Variants in PRR5L observed in about 807,000 individuals in gnomAD.
PRR5L encodes proline rich 5 like.
Under a neutral mutation model 36.4 loss-of-function variants are expected in PRR5L, and 21 were observed. That is an observed-to-expected ratio of 0.58 (90% CI 0.41 to 0.83). The LOEUF (loss-of-function observed/expected upper bound fraction) is 0.83. Ranked by LOEUF, PRR5L falls within the 40% of genes least tolerant of loss-of-function variation. PRR5L has a pLI of 0.00. For missense variants in PRR5L, 381 were observed against 473.3 expected, an observed-to-expected ratio of 0.80 and a Z score of 1.81; for synonymous variants, 188 against 197.0, an observed-to-expected ratio of 0.95 and a Z score of 0.38.
chr11:36,317,538 C>A (rs1296407318), intron 1 of PRR5L, among the ~76,000 whole-genome samples: 2 of 152,188 alleles, frequency 1.3e-5, no homozygotes, highest in Non-Finnish European at 2.9e-5. Flanking sequence ...AATTGCAACT[C>A]CCCATAAGTT....
At chr11:36,360,457 C>T (rs1857075457) in intron 1 of PRR5L, among the ~76,000 whole-genome samples, 1 of 152,132 alleles carries the variant, frequency 6.6e-6, no homozygotes, top group Non-Finnish European at 1.5e-5. Flanking sequence ...CTGATCAAAG[C>T]CTGTCACCCA....
chr11:36,320,512 C>T lies in PRR5L; in HGVS notation c.-126+24074C>T, dbSNP rs908922955. ...TCTTGCCTGTTAATCTCTGAGACGA[C>T]GCTCTGTGCCCTGTGGCTTATCTTT... On this transcript the variant is annotated intron_variant, in intron 1 of 8. Transcript: ENST00000530639. Among the ~76,000 whole-genome samples the T allele has an allele frequency of 3.9e-5, 6 of 152,130 alleles. No individual in the cohort carries two copies. In the South Asian group the frequency reaches 8.3e-4, roughly 21 times the overall value.
chr11:36,350,786 G>C lies in PRR5L; in HGVS notation c.-125-50211G>C, dbSNP rs866008429. The stretch of plus-strand genomic sequence containing the variant: ...CTCCCACTTATGAGTGAGAACATAC[G>C]ATGTTTGGTTTTCCATTCTTGAGTT... On this transcript the variant is annotated intron_variant, in intron 1 of 8. Coordinates refer to ENST00000530639, the MANE Select transcript of PRR5L (RefSeq NM_001160167.2). Among the ~76,000 whole-genome samples, 9 of 150,248 alleles carry C rather than the reference G, an allele frequency of 6.0e-5. No homozygotes were observed. In the South Asian group the frequency reaches 1.5e-3, roughly 24 times the overall value.
chr11:36,403,353 C>CT lies in PRR5L; in HGVS notation c.221dup (p.Tyr75LeufsTer14). On this transcript the variant is annotated frameshift_variant, in exon 3 of 9. Transcript: ENST00000530639. LOFTEE classifies it high-confidence loss of function. ...AGGGGGTGGCTTGCAAAGCAACGAG[C>CT]TCTATGCCCTGAACGAAAACATCAG... The CT allele has an allele frequency of 2.5e-6, 4 of 1,614,058 alleles. No homozygotes were observed. Among genetic ancestry groups the CT allele is most frequent in the Non-Finnish European group, 3.4e-6 (4 of 1,179,990 alleles).
chr11:36,303,522 C>A (rs187110957), intron 1 of PRR5L, among the ~76,000 whole-genome samples: 1 of 152,210 alleles, frequency 6.6e-6, no homozygotes, highest in African/African-American at 2.4e-5. Context: ...ACTTTTGGTG[C>A]AACTTGCCAT....
chr11:36,442,377 T>C (rs1438344229), intron 6 of PRR5L, among the ~76,000 whole-genome samples: 4 of 151,478 alleles, frequency 2.6e-5, no homozygotes, highest in Non-Finnish European at 4.4e-5. Flanking sequence ...AGTCTCACTC[T>C]GTCACCCAGG....
chr11:36,427,354 C>T (rs1008793097), intron 4 of PRR5L, among the ~76,000 whole-genome samples: 2 of 152,006 alleles, frequency 1.3e-5, no homozygotes, highest in African/African-American at 4.8e-5. Flanking sequence ...TGGGTGGTTA[C>T]TATTTAGTAA....
At chr11:36,375,705 C>T (rs1857247589) in intron 1 of PRR5L, among the ~76,000 whole-genome samples, 1 of 152,138 alleles carries the variant, frequency 6.6e-6, no homozygotes, top group African/African-American at 2.4e-5. Flanking sequence ...CAAAACAAAA[C>T]CCAACAGTTT....
At chr11:36,374,343 T>G (rs1857231736) in intron 1 of PRR5L, among the ~76,000 whole-genome samples, 3 of 152,000 alleles carry the variant, frequency 2.0e-5, no homozygotes, top group Admixed American at 1.3e-4. Context: ...TCTATCCGCC[T>G]CAGCCTCCCA....
At chr11:36,407,858 A>T (rs986014503) in intron 3 of PRR5L, among the ~76,000 whole-genome samples, 6 of 152,146 alleles carry the variant, frequency 3.9e-5, no homozygotes, top group Admixed American at 3.9e-4. Flanking sequence ...TTGAAAATAG[A>T]CTCTAGTTTA....
At chr11:36,392,403 A>G (rs1000881364) in intron 1 of PRR5L, among the ~76,000 whole-genome samples, 14 of 152,194 alleles carry the variant, frequency 9.2e-5, no homozygotes, top group South Asian at 2.1e-4. Flanking sequence ...ACTGTTCTCT[A>G]TAGTGGTTGC....
At chr11:36,300,513 C>T (rs950913440) in intron 1 of PRR5L, among the ~76,000 whole-genome samples, 3 of 152,154 alleles carry the variant, frequency 2.0e-5, no homozygotes, top group African/African-American at 7.2e-5. Context: ...TTAGAGGAGA[C>T]AAACATTCAA....
intron 4 of PRR5L, among the ~76,000 whole-genome samples, chr11:36,424,916 G>A (rs534690732): frequency 2.0e-5 from 3 of 152,252 alleles, no homozygotes; most frequent in African/African-American, 4.8e-5. Context: ...CCGCCTCCCG[G>A]ATTCAAGTGA....
chr11:36,459,791 T>C (rs1056518890), intron 8 of PRR5L, among the ~76,000 whole-genome samples: 2 of 152,230 alleles, frequency 1.3e-5, no homozygotes, highest in Non-Finnish European at 2.9e-5. Flanking sequence ...CCTCTCATTT[T>C]ATCCACCCAG....
chr11:36,431,963 T>C (rs1327689274), intron 5 of PRR5L, 53 bp downstream of exon 5: 67 of 1,487,578 alleles, frequency 4.5e-5, no homozygotes, highest in Non-Finnish European at 6.1e-5. Context: ...CAGTCTTTGA[T>C]GTCTGGACGG....
rs77216426 is a variant in PRR5L at position 36,306,652 on chromosome 11, T to C, written c.-126+10214T>C. Among the ~76,000 whole-genome samples, 421 of 152,282 alleles carry C rather than the reference T, an allele frequency of 2.8e-3. 21 individuals carry two copies. The East Asian group carries it at 0.074, about 27-fold the overall frequency. ...CATTATTATTATTTTTTAATGATCTTGCAAAGTTGCCTTCTAATAAAGGCT... is the reference window on the plus strand; with the variant it reads ...CATTATTATTATTTTTTAATGATCTCGCAAAGTTGCCTTCTAATAAAGGCT... On this transcript the variant is annotated intron_variant, in intron 1 of 8. Coordinates refer to ENST00000530639, the MANE Select transcript of PRR5L (RefSeq NM_001160167.2).
intron 1 of PRR5L, among the ~76,000 whole-genome samples, chr11:36,316,069 T>G (rs969091895): frequency 6.6e-6 from 1 of 152,174 alleles, no homozygotes; most frequent in Non-Finnish European, 1.5e-5. Flanking sequence ...GGGGATTGAC[T>G]GAGGGGAAGT....
chr11:36,351,038 T>A lies in PRR5L; in HGVS notation c.-125-49959T>A, dbSNP rs1235132294. ...GTTATATATTTATATATTTATTTTT[T>A]AATATATTTTATATGTATTTTATAT... On this transcript the variant is annotated intron_variant, in intron 1 of 8. Transcript: ENST00000530639. 2.6e-3 allele frequency among the ~76,000 whole-genome samples: 142 copies of A among 55,634 alleles called. 29 individuals carry two copies. Among genetic ancestry groups the A allele is most frequent in the East Asian group, 0.018 (14 of 778 alleles). 36.5% of individuals were successfully genotyped at this position (55,634 alleles called of 152,430 possible). A position where few individuals can be genotyped will look rare whatever the true frequency, so the allele number is the denominator to read the frequency against.
chr11:36,400,758 G>T (rs755240194), intron 1 of PRR5L, among the ~76,000 whole-genome samples: 15 of 152,296 alleles, frequency 9.8e-5, no homozygotes, highest in Middle Eastern at 3.4e-3. Flanking sequence ...TCATTTTTCT[G>T]CAGGACTGGC....
Sources: gnomAD v4.1 joint callset for allele counts (sites outside exome capture counted in the v4.1 genomes callset) on GRCh38, gnomAD v4.1.1 for gene constraint, MANE v1.5 for transcripts, NCBI Gene and HGNC (gene_info 2026-07-23, HGNC 2026-07-21) for gene names.